The following B4GALNT4 variants were observed in gnomAD, a reference collection of about 807,000 sequenced individuals.
B4GALNT4 encodes N-acetyl-beta-glucosaminyl-glycoprotein 4-beta-N-acetylgalactosaminyltransferase 1.
Under a neutral mutation model 110.0 loss-of-function variants are expected in B4GALNT4, and 77 were observed. The ratio of observed to expected loss-of-function variants is 0.70; its 90% CI spans 0.58 to 0.85. The LOEUF (loss-of-function observed/expected upper bound fraction) is 0.85, where lower values mean the gene tolerates loss of function less well. Among genes scored for constraint, B4GALNT4 ranks in the 40% least tolerant of loss-of-function variants. The probability of loss-of-function intolerance (pLI) is 0.00; values close to 1 mark genes in which losing one functional copy is unlikely to be tolerated. For missense variants in B4GALNT4, 1,575 were observed against 1,506.0 expected (o/e 1.05, Z -0.76); for synonymous variants, 785 against 655.5 (o/e 1.20, Z -3.02).
Position 380,002 on chromosome 11 carries a change from C to T in B4GALNT4, c.2625C>T (p.Arg875=), listed in dbSNP as rs1846840145. The T allele has an allele frequency of 3.1e-6, 5 of 1,612,498 alleles. No homozygotes were observed. The highest frequency in any genetic ancestry group is 1.3e-5 in the African/African-American group (1 of 74,908). The part of the protein sequence containing the change: ...SEDMDVERAL[R]AARLPRYQYL... ...ATATGGACGTGGAGCGGGCCCTGCGCGCCGCGCGCCTGCCCCGGTAACGAC... is the reference window on the plus strand; with the variant it reads ...ATATGGACGTGGAGCGGGCCCTGCGTGCCGCGCGCCTGCCCCGGTAACGAC... Residue 875 remains arginine (R), a synonymous_variant, in exon 16 of 20, where the codon CGC becomes CGT. Coordinates refer to ENST00000329962, the MANE Select transcript of B4GALNT4 (RefSeq NM_178537.5).
At position 376,513 on chromosome 11, in the gene B4GALNT4, C is replaced by T. The variant is rs1564870633; in HGVS notation, c.1390C>T (p.Pro464Ser). 6 of 1,500,020 alleles carry T rather than the reference C, an allele frequency of 4.0e-6. No individual in the cohort carries two copies. The highest frequency in any genetic ancestry group is 2.2e-5 in the Admixed American group (1 of 46,456). 92.9% of individuals were successfully genotyped at this position (1,500,020 alleles called of 1,614,324 possible). A position where few individuals can be genotyped will look rare whatever the true frequency, so the allele number is the denominator to read the frequency against. ...CAGGAGCGGCCCCCAGTCCCCCGCCCCAGCAGCCCCCGCCCAGCCCGGAGC... is the reference window on the plus strand; with the variant it reads ...CAGGAGCGGCCCCCAGTCCCCCGCCTCAGCAGCCCCCGCCCAGCCCGGAGC... The part of the protein sequence containing the change: ...PPRSGPQSPA[P>S]AAPAQPGATL... The change falls in exon 14 of 20, where the codon CCA becomes TCA. Residue 464 changes from proline to serine, a missense_variant. Transcript: ENST00000329962.
At position 379,847 on chromosome 11, in the gene B4GALNT4, C is replaced by T. The variant is rs751468671; in HGVS notation, c.2489-19C>T. On this transcript the variant is annotated intron_variant, in intron 15 of 19. Coordinates refer to ENST00000329962, the MANE Select transcript of B4GALNT4 (RefSeq NM_178537.5). ...GAGTCAGCGTCGGCTCAGCGCCCCC[C>T]CCGCCTTTTCTCCTCCAGTGAAAAA... 1.5e-5 allele frequency: 23 copies of T among 1,578,228 alleles called. No individual in the cohort carries two copies. Among genetic ancestry groups the T allele is most frequent in the South Asian group, 1.4e-4 (12 of 87,068 alleles).
intron 8 of B4GALNT4, among the ~76,000 whole-genome samples, 180 bp downstream of exon 8, chr11:374,008 C>T (rs1846674055): frequency 6.6e-6 from 1 of 152,096 alleles, no homozygotes; most frequent in Non-Finnish European, 1.5e-5. Context: ...CACTAGGAGT[C>T]ACCTTTGAGT....
Position 380,140 on chromosome 11 carries a change from C to T in B4GALNT4, c.2653C>T (p.Leu885=), listed in dbSNP as rs140782687. ...RAARLPRYQY[L]RRTGNFERSA... ...ACTCGCCCTCCCCAGGTACCAGTAC[C>T]TGAGACGAACCGGGAACTTCGAGCG... Residue 885 remains leucine (L), a synonymous_variant, in exon 17 of 20, where the codon CTG becomes TTG. Transcript: ENST00000329962. 1 of 1,603,892 alleles carries T rather than the reference C, an allele frequency of 6.2e-7. No individual in the cohort carries two copies. Among genetic ancestry groups the T allele is most frequent in the African/African-American group, 1.3e-5 (1 of 74,884 alleles).
At chr11:375,389 C>A in intron 8 of B4GALNT4, 72 bp from the exon 9 acceptor site, 2 of 1,521,668 alleles carry the variant, frequency 1.3e-6, no homozygotes, top group Non-Finnish European at 1.8e-6. Context: ...CGGCCCTGAG[C>A]CAGGGTAGAC....
At chr11:370,281 G>C (rs1238652647) in intron 1 of B4GALNT4, among the ~76,000 whole-genome samples, 1 of 152,064 alleles carries the variant, frequency 6.6e-6, no homozygotes, top group Non-Finnish European at 1.5e-5. Flanking sequence ...GCTGACGGTG[G>C]GCTCCTGGGG....
At position 376,621 on chromosome 11, in the gene B4GALNT4, G is replaced by T; in HGVS notation, c.1498G>T (p.Ala500Ser). 1.4e-6 allele frequency: 2 copies of T among 1,402,538 alleles called. No homozygotes were observed. Among genetic ancestry groups the T allele is most frequent in the Non-Finnish European group, 1.9e-6 (2 of 1,079,946 alleles). The allele number at this position is 1,402,538 out of a possible 1,614,324, so 86.9% of individuals were successfully genotyped here. Residue 500 changes from alanine to serine, a missense_variant, in exon 14 of 20, where the codon GCC (alanine) becomes TCC (serine). Ala to Ser is a moderately conservative substitution (Grantham distance 99). Transcript: ENST00000329962. ...HSRALSWAAR[A>S]ARPLPLFLGR... ...CCGGGCCCTGAGCTGGGCCGCCAGGGCCGCCCGCCCTTTGCCGCTCTTCTT... is the reference window on the plus strand; with the variant it reads ...CCGGGCCCTGAGCTGGGCCGCCAGGTCCGCCCGCCCTTTGCCGCTCTTCTT...
rs1363430302 is a variant in B4GALNT4 at position 375,715 on chromosome 11, G to A, written c.927G>A (p.Pro309=). The A allele has an allele frequency of 6.3e-7, 1 of 1,595,312 alleles. No individual in the cohort carries two copies. The highest frequency in any genetic ancestry group is 8.5e-7 in the Non-Finnish European group (1 of 1,175,232). ...SPASHVGGRP[P]QEETSADMLR... ...CCAGCCACGTGGGGGGGCGTCCGCC[G>A]CAGGAGGAGACCAGCGCAGACATGC... The change falls in exon 10 of 20, where the codon CCG becomes CCA. Residue 309 remains proline (P), a synonymous_variant. Coordinates refer to ENST00000329962, the MANE Select transcript of B4GALNT4 (RefSeq NM_178537.5).
rs777671106 is a variant in B4GALNT4, at chr11:373,213, C to G, written c.558C>G (p.Ala186=). The G allele has an allele frequency of 6.2e-6, 10 of 1,612,200 alleles. No homozygotes were observed. In the Admixed American group the frequency reaches 1.0e-4, roughly 16 times the overall value. ...ARDGDVQFSV[A]SDDNSEFWLS... is the part of the protein sequence containing the mutation. ...TAGGAGACGTCCAGTTTTCTGTGGC[C>G]TCAGACGACAACTCGGAGTTCTGGC... The change falls in exon 6 of 20, where the codon GCC becomes GCG. Residue 186 remains alanine (A), a synonymous_variant. Coordinates refer to ENST00000329962, the MANE Select transcript of B4GALNT4 (RefSeq NM_178537.5).
chr11:371,745 C>T (rs1564867331), intron 1 of B4GALNT4, among the ~76,000 whole-genome samples: 1 of 152,244 alleles, frequency 6.6e-6, no homozygotes, highest in Non-Finnish European at 1.5e-5. Flanking sequence ...GTCCTGGGGT[C>T]TTCCTGGAGG....
At position 372,157 on chromosome 11, in the gene B4GALNT4, C is replaced by T. The variant is rs34063493; in HGVS notation, c.200C>T (p.Ala67Val). 476,110 of 1,549,480 alleles carry T rather than the reference C, an allele frequency of 0.31. 75,752 individuals carry two copies. Among genetic ancestry groups the T allele is most frequent in the East Asian group, 0.49 (19,956 of 40,904 alleles). ...SETDGRGVHAAPSTQRAEDSS... is the reference protein window; with the variant it reads ...SETDGRGVHAVPSTQRAEDSS... ...ACCGACGGCCGGGGGGTCCACGCTG[C>T]GCCATCCACACAGAGGGCTGAGGAC... Residue 67 changes from alanine to valine, a missense_variant, in exon 2 of 20, where the codon GCG becomes GTG. Transcript: ENST00000329962.
intron 8 of B4GALNT4, among the ~76,000 whole-genome samples, chr11:374,409 T>G (rs1445841217): frequency 6.7e-6 from 1 of 149,062 alleles, no homozygotes; most frequent in Non-Finnish European, 1.5e-5. Flanking sequence ...CTGGTGGGTG[T>G]GGGGGGCAGC....
rs775822561 is a variant in B4GALNT4, at chr11:381,649, C to G, written c.2997-20C>G. 6.4e-7 allele frequency: 1 copy of G among 1,570,836 alleles called. No homozygotes were observed. Among genetic ancestry groups the G allele is most frequent in the Non-Finnish European group, 8.6e-7 (1 of 1,160,684 alleles). On this transcript the variant is annotated intron_variant, in intron 19 of 19. Transcript: ENST00000329962. Reference sequence around the variant, plus strand: ...TCCCCAACCCCGGGGTCCTGACCACCTCTCTGCCCCCGGCCCCAGGGTCCT... The same window carrying G: ...TCCCCAACCCCGGGGTCCTGACCACGTCTCTGCCCCCGGCCCCAGGGTCCT...
rs1261238343 is a variant in B4GALNT4, at chr11:375,539, C to G, written c.850+12C>G. On this transcript the variant is annotated intron_variant, in intron 9 of 19. Transcript: ENST00000329962. ...CTCCCTGTACACAGGTGCGAGCGGA[C>G]GCCTCTGGGGATGTGGGGCTCCTCG... The G allele has an allele frequency of 6.2e-7, 1 of 1,609,342 alleles. No individual in the cohort carries two copies. Among genetic ancestry groups the G allele is most frequent in the Non-Finnish European group, 8.5e-7 (1 of 1,179,750 alleles).
chr11:375,006 AG>A (rs1276475961), intron 8 of B4GALNT4, among the ~76,000 whole-genome samples: 13 of 148 alleles, frequency 0.088, 6 homozygotes, highest in African/African-American at 0.17. Flanking sequence ...GAAGGGAGGG[AG>A]GGAGGAGGAA....
chr11:376,685 C>T lies in B4GALNT4; in HGVS notation c.1562C>T (p.Pro521Leu). 7 of 1,428,192 alleles carry T rather than the reference C, an allele frequency of 4.9e-6. 1 individual carries two copies. In the South Asian group the frequency reaches 5.4e-5, roughly 11 times the overall value. The allele number at this position is 1,428,192 out of a possible 1,614,324, so 88.5% of individuals were successfully genotyped here. ...CCCCCGCGCCCTGCAGTGGAGCAGC[C>T]GCCCCCAAAGGTGTACGTGACCAGG... ...APPPRPAVEQ[P>L]PPKVYVTRVR... The change falls in exon 14 of 20, where the codon CCG becomes CTG. Residue 521 changes from proline (P) to leucine (L), a missense_variant. Physicochemically the swap from Pro to Leu is moderately conservative, Grantham distance 98. Coordinates refer to ENST00000329962, the MANE Select transcript of B4GALNT4 (RefSeq NM_178537.5).
At chr11:381,085 A>G (rs1033895101) in intron 19 of B4GALNT4, 134 bp downstream of exon 19, 27 of 1,468,170 alleles carry the variant, frequency 1.8e-5, no homozygotes, top group South Asian at 2.8e-5. Context: ...TCTTCCCAGT[A>G]TCCTGTAGGC....
chr11:372,211 C>A lies in B4GALNT4; in HGVS notation c.254C>A (p.Ala85Glu), dbSNP rs747752780. Residue 85 changes from alanine (A) to glutamate (E), a missense_variant and splice_region_variant, in exon 2 of 20, where the codon GCG becomes GAG. By Grantham distance (107) the Ala-to-Glu change is moderately radical. Coordinates refer to ENST00000329962, the MANE Select transcript of B4GALNT4 (RefSeq NM_178537.5). ...AGTGAGAGCCGTGAAGAGGAGCAAG[C>A]GGTGAGCAGAGCCCTGGGGAGAACA... The part of the protein sequence containing the change: ...DSSESREEEQ[A>E]PEGRDLDMLF... 16 of 1,549,860 alleles carry A rather than the reference C, an allele frequency of 1.0e-5. No homozygotes were observed. The highest frequency in any genetic ancestry group is 1.4e-5 in the Non-Finnish European group (16 of 1,146,612).
At position 377,301 on chromosome 11, in the gene B4GALNT4, G is replaced by A; in HGVS notation, c.2178G>A (p.Met726Ile). Residue 726 changes from methionine (M) to isoleucine (I), a missense_variant, in exon 14 of 20, where the codon ATG becomes ATA. Met to Ile is a conservative substitution (Grantham distance 10, BLOSUM62 1). Transcript: ENST00000329962. ...AEAVDVTAQY[M>I]ERLNARHGGR... is the part of the protein sequence containing the mutation. ...CCGTGGACGTGACCGCTCAGTACAT[G>A]GAGCGGCTGAACGCGCGCCACGGCG... 6.4e-7 allele frequency: 1 copy of A among 1,565,116 alleles called. No individual in the cohort carries two copies. The highest frequency in any genetic ancestry group is 8.6e-7 in the Non-Finnish European group (1 of 1,158,600).
Sources: allele counts gnomAD v4.1 joint callset (sites outside exome capture counted in the v4.1 genomes callset), GRCh38; gene constraint gnomAD v4.1.1; transcripts MANE v1.5; gene names NCBI Gene and HGNC (gene_info 2026-07-23, HGNC 2026-07-21).